SCAI: variants seen among roughly 807,000 people sequenced by gnomAD.
SCAI encodes the protein protein SCAI.
SCAI carries 24 observed loss-of-function variants against 92.2 expected under a neutral mutation model. The observed-to-expected ratio is 0.26, with a 90% CI of 0.19 to 0.37. The LOEUF (loss-of-function observed/expected upper bound fraction) is 0.37. SCAI is among the 10% of genes least tolerant of loss of function. SCAI has a pLI of 1.00. For synonymous variants in SCAI, 261 were observed against 258.6 expected (o/e 1.01, Z -0.09); for missense variants, 450 against 736.2 (o/e 0.61, Z 4.50).
At chr9:125,049,121 C>A (rs888830292) in intron 3 of SCAI, among the ~76,000 whole-genome samples, 3 of 148,054 alleles carry the variant, frequency 2.0e-5, no homozygotes, top group Non-Finnish European at 4.6e-5. Context: ...GGGCACCTCC[C>A]AATTAAAAAT....
chr9:125,003,777 C>T (rs924901995), intron 9 of SCAI: 4 of 522,526 alleles, frequency 7.7e-6, no homozygotes, highest in Non-Finnish European at 1.0e-5. Flanking sequence ...CATCTAGATC[C>T]TATAATAAGC....
intron 2 of SCAI, among the ~76,000 whole-genome samples, chr9:125,078,967 C>T (rs188614986): frequency 6.6e-6 from 1 of 152,206 alleles, no homozygotes; most frequent in East Asian, 1.9e-4. Flanking sequence ...TGGTAGTTTC[C>T]TCTATTTTCG....
chr9:125,131,922 A>T lies in SCAI; in HGVS notation c.98+10711T>A, dbSNP rs373547615. 9.2e-5 allele frequency among the ~76,000 whole-genome samples: 14 copies of T among 152,282 alleles called. 1 individual carries two copies. In the South Asian group the frequency reaches 2.9e-3, roughly 32 times the overall value. On this transcript the variant is annotated intron_variant, in intron 2 of 17. Transcript: ENST00000336505. ...CAGAGATCTAAACTCCTGGAGATAA[A>T]CACTACCTGTCTGACGGCTACCTAC...
At chr9:125,032,611 T>C (rs562593794) in intron 3 of SCAI, among the ~76,000 whole-genome samples, 37 of 136,378 alleles carry the variant, frequency 2.7e-4, no homozygotes, top group African/African-American at 1.0e-3. Flanking sequence ...TTTACTAATA[T>C]TATGCTTTTT....
chr9:124,971,894 A>G (rs1370768016), intron 15 of SCAI, 50 bp from the exon 16 acceptor site: 2 of 1,148,012 alleles, frequency 1.7e-6, no homozygotes, highest in Non-Finnish European at 2.4e-6. Context: ...TGCAAAAGAT[A>G]AGAGATACAT....
intron 15 of SCAI, chr9:124,974,259 C>G: frequency 2.2e-6 from 1 of 447,898 alleles, no homozygotes; most frequent in Non-Finnish European, 4.4e-6. Flanking sequence ...GCCTAGGCAA[C>G]ATGGTGAGAC....
At chr9:124,999,383 T>C (rs1346711961) in intron 13 of SCAI, among the ~76,000 whole-genome samples, 1 of 147,810 alleles carries the variant, frequency 6.8e-6, no homozygotes, top group African/African-American at 2.5e-5. Flanking sequence ...CAAGACTCCA[T>C]CTCAAAAAAA....
chr9:125,114,138 G>A (rs1292551413), intron 2 of SCAI, among the ~76,000 whole-genome samples: 1 of 152,160 alleles, frequency 6.6e-6, no homozygotes, highest in Non-Finnish European at 1.5e-5. Context: ...GGTGACATCT[G>A]TCGGATACTA....
intron 14 of SCAI, among the ~76,000 whole-genome samples, chr9:124,976,924 A>T (rs956894842): frequency 2.0e-5 from 3 of 151,934 alleles, no homozygotes; most frequent in Non-Finnish European, 4.4e-5. Context: ...GCTGGAGTGC[A>T]ATGGCACGAT....
At chr9:124,995,586 C>A (rs182173674) in intron 13 of SCAI, among the ~76,000 whole-genome samples, 4,748 of 151,920 alleles carry the variant, frequency 0.031, 221 homozygotes, top group East Asian at 0.23. Flanking sequence ...ATGTCCCGGG[C>A]TCAGGTGATC....
At chr9:124,957,503 C>T (rs1157121051) in intron 17 of SCAI, among the ~76,000 whole-genome samples, 12 of 148,792 alleles carry the variant, frequency 8.1e-5, no homozygotes, top group Admixed American at 4.1e-4. Context: ...GCTGGGACTA[C>T]AGGCATACGC....
intron 17 of SCAI, among the ~76,000 whole-genome samples, chr9:124,957,200 C>T (rs952042119): frequency 6.6e-6 from 1 of 151,878 alleles, no homozygotes; most frequent in Non-Finnish European, 1.5e-5. Flanking sequence ...CACCATGTTA[C>T]CCAGCTGGTC....
intron 9 of SCAI, among the ~76,000 whole-genome samples, chr9:125,012,419 T>C (rs1039248427): frequency 1.3e-5 from 2 of 151,790 alleles, no homozygotes; most frequent in African/African-American, 4.8e-5. Context: ...CCAACAAAGA[T>C]CAAAAGAGAT....
rs906240175 is a variant in SCAI at position 125,091,894 on chromosome 9, G to C, written c.99-35887C>G. 6.6e-6 allele frequency among the ~76,000 whole-genome samples: 1 copy of C among 152,014 alleles called. No individual in the cohort carries two copies. The highest frequency in any genetic ancestry group is 2.4e-5 in the African/African-American group (1 of 41,388). On this transcript the variant is annotated intron_variant, in intron 2 of 17. Transcript: ENST00000336505. This position sits in a 1 kb window ranked among gnomAD's most constrained non-coding sequence, Gnocchi z 4.3. ...CGGGAGGCCGAGGCGAGCAGATCAC[G>C]AGGTCAGGAGATCGAGACCATCCTG... is the stretch of plus-strand genomic sequence containing the variant.
intron 5 of SCAI, 43 bp from the exon 6 acceptor site, chr9:125,026,953 C>A: frequency 8.6e-7 from 1 of 1,169,514 alleles, no homozygotes; most frequent in Admixed American, 1.9e-5. Context: ...GTGTCAGAGA[C>A]TCTTCACCAT....
chr9:124,984,981 T>C (rs1588132693), intron 14 of SCAI, among the ~76,000 whole-genome samples: 1 of 152,212 alleles, frequency 6.6e-6, no homozygotes, highest in African/African-American at 2.4e-5. Context: ...TGAATCAATC[T>C]AGCAACTTGA....
At chr9:125,017,864 G>A (rs150373822) in intron 9 of SCAI, among the ~76,000 whole-genome samples, 7 of 151,610 alleles carry the variant, frequency 4.6e-5, no homozygotes, top group Admixed American at 6.6e-5. Context: ...AAAATTAGCC[G>A]GGTGTGGTGG....
intron 3 of SCAI, among the ~76,000 whole-genome samples, chr9:125,031,958 T>C (rs1833081409): frequency 6.6e-6 from 1 of 151,914 alleles, no homozygotes. Flanking sequence ...ATGTTCTTGT[T>C]TCTGGGCCCC....
chr9:125,050,909 G>C (rs186587549), intron 3 of SCAI, among the ~76,000 whole-genome samples: 81 of 151,874 alleles, frequency 5.3e-4, no homozygotes, highest in African/African-American at 1.9e-3. Context: ...AAAACAATAC[G>C]GCTGCTATAC....
Sources: gnomAD v4.1 joint callset for allele counts (sites outside exome capture counted in the v4.1 genomes callset) on GRCh38, gnomAD v4.1.1 for gene constraint, Gnocchi (gnomAD v3.1) non-coding constraint, MANE v1.5 for transcripts, NCBI Gene and HGNC (gene_info 2026-07-23, HGNC 2026-07-21) for gene names.